The following PTPRD variants were observed in gnomAD, a reference collection of about 807,000 sequenced individuals.
PTPRD encodes the protein receptor-type tyrosine-protein phosphatase delta.
In PTPRD, 34 loss-of-function variants were observed where a neutral mutation model predicts 214.5. The ratio of observed to expected loss-of-function variants is 0.16; its 90% CI spans 0.12 to 0.21. The LOEUF (loss-of-function observed/expected upper bound fraction) is 0.21, where lower values mean the gene tolerates loss of function less well. Among genes scored for constraint, PTPRD ranks in the 10% least tolerant of loss-of-function variants. The pLI is 1.00. For synonymous variants in PTPRD, 1,128 were observed against 845.7 expected, an observed-to-expected ratio of 1.33 and a Z score of -5.79; for missense variants, 2,545 against 2,398.7, an observed-to-expected ratio of 1.06 and a Z score of -1.27.
intron 4 of PTPRD, among the ~76,000 whole-genome samples, chr9:9,983,817 T>C (rs1182127286): frequency 6.6e-6 from 1 of 152,228 alleles, no homozygotes; most frequent in Non-Finnish European, 1.5e-5. Flanking sequence ...TACTGAAAAC[T>C]AGGATATTGG....
chr9:9,435,225 A>G (rs62532956), intron 8 of PTPRD, among the ~76,000 whole-genome samples: 64,314 of 151,778 alleles, frequency 0.42, 13,892 homozygotes, highest in Middle Eastern at 0.62. Context: ...AAACGCCAGG[A>G]CCCGGCTGGT....
intron 9 of PTPRD, among the ~76,000 whole-genome samples, chr9:9,311,765 ACT>A (rs1345225188): frequency 6.6e-6 from 1 of 152,122 alleles, no homozygotes; most frequent in Non-Finnish European, 1.5e-5. Flanking sequence ...ATACAGAATC[ACT>A]CTCCTCTGTT....
intron 5 of PTPRD, among the ~76,000 whole-genome samples, chr9:9,798,326 T>C (rs1472099444): frequency 2.0e-5 from 3 of 152,132 alleles, no homozygotes; most frequent in African/African-American, 7.2e-5. Context: ...AAATGAAGAC[T>C]CAAAGAAATA....
rs190253922 is a variant in PTPRD, at chr9:10,233,721, C to T, written c.-545+107242G>A. ...ATTGGGAAAGCTTAAGCTAACTTTT[C>T]AGATAATGAAAGATAAATTTTCATA... On this transcript the variant is annotated intron_variant, in intron 3 of 45. Transcript: ENST00000381196. 3.0e-3 allele frequency among the ~76,000 whole-genome samples: 458 copies of T among 152,026 alleles called. 4 individuals are homozygous for T. Among genetic ancestry groups the T allele is most frequent in the Non-Finnish European group, 4.4e-3 (298 of 67,940 alleles).
intron 5 of PTPRD, among the ~76,000 whole-genome samples, chr9:9,931,969 T>C (rs1324387759): frequency 4.6e-5 from 7 of 151,946 alleles, no homozygotes; most frequent in South Asian, 2.1e-4. Flanking sequence ...AGGGGCACAC[T>C]GACACCTCAC....
intron 9 of PTPRD, among the ~76,000 whole-genome samples, chr9:9,390,177 A>G (rs1324119098): frequency 6.6e-6 from 1 of 152,146 alleles, no homozygotes; most frequent in Non-Finnish European, 1.5e-5. Flanking sequence ...GGGAAGCCGG[A>G]TTATCTTAAG....
intron 5 of PTPRD, among the ~76,000 whole-genome samples, chr9:9,831,609 T>C (rs1489131759): frequency 6.6e-6 from 1 of 152,006 alleles, no homozygotes; most frequent in African/African-American, 2.4e-5. Context: ...GTAATCCACA[T>C]GCTTGCTAAC....
chr9:9,227,368 C>T (rs539265420), intron 9 of PTPRD, among the ~76,000 whole-genome samples: 1 of 152,230 alleles, frequency 6.6e-6, no homozygotes, highest in East Asian at 1.9e-4. Context: ...GAAATTACAA[C>T]CTCAGCCCCT....
intron 3 of PTPRD, among the ~76,000 whole-genome samples, chr9:10,044,910 A>C (rs2097362003): frequency 6.6e-6 from 1 of 151,698 alleles, no homozygotes; most frequent in Non-Finnish European, 1.5e-5. Context: ...TCTCCCTTTC[A>C]CTATCAGTTT....
At chr9:9,236,559 T>C (rs2099966855) in intron 9 of PTPRD, among the ~76,000 whole-genome samples, 1 of 149,996 alleles carries the variant, frequency 6.7e-6, no homozygotes, top group African/African-American at 2.5e-5. Flanking sequence ...AATTCCCTTT[T>C]TCTAAATCTA....
At chr9:8,459,893 C>CT (rs930445939) in intron 33 of PTPRD, among the ~76,000 whole-genome samples, 2 of 151,968 alleles carry the variant, frequency 1.3e-5, no homozygotes, top group Admixed American at 1.3e-4. Context: ...CCATCCTTCT[C>CT]TTTTTTTTCC....
intron 5 of PTPRD, among the ~76,000 whole-genome samples, chr9:9,838,523 T>C (rs1312503581): frequency 1.3e-5 from 2 of 152,194 alleles, no homozygotes; most frequent in Admixed American, 6.5e-5. Context: ...TGGCCAGTGA[T>C]GGTGAGCATT....
chr9:9,360,216 A>G (rs2055527373), intron 9 of PTPRD, among the ~76,000 whole-genome samples: 1 of 151,052 alleles, frequency 6.6e-6, no homozygotes, highest in Non-Finnish European at 1.5e-5. Flanking sequence ...CAGCTGAAAA[A>G]GACTATTTCC....
At chr9:9,665,237 G>A (rs968487182) in intron 7 of PTPRD, among the ~76,000 whole-genome samples, 1 of 151,340 alleles carries the variant, frequency 6.6e-6, no homozygotes, top group Non-Finnish European at 1.5e-5. Flanking sequence ...ACCTTAGAAT[G>A]GTCCATTTAA....
At chr9:8,472,914 A>G (rs2096683406) in intron 30 of PTPRD, among the ~76,000 whole-genome samples, 5 of 152,102 alleles carry the variant, frequency 3.3e-5, no homozygotes, top group Admixed American at 3.3e-4. Context: ...TCTGTTATAT[A>G]TTCTGAAATA....
chr9:9,493,462 G>A (rs2096013577), intron 8 of PTPRD, among the ~76,000 whole-genome samples: 1 of 152,114 alleles, frequency 6.6e-6, no homozygotes, highest in Non-Finnish European at 1.5e-5. Context: ...GGATCAAAGA[G>A]TAACTTTGAC....
At chr9:8,453,646 CAT>C (rs1020845142) in intron 33 of PTPRD, among the ~76,000 whole-genome samples, 3 of 152,202 alleles carry the variant, frequency 2.0e-5, no homozygotes, top group African/African-American at 7.2e-5. Flanking sequence ...TGCTGACCAA[CAT>C]AAAGTGATTT....
At chr9:10,418,494 C>T (rs2098515532) in intron 2 of PTPRD, among the ~76,000 whole-genome samples, 1 of 141,110 alleles carries the variant, frequency 7.1e-6, no homozygotes, top group Non-Finnish European at 1.5e-5. Flanking sequence ...CACACACACA[C>T]ACACTTCATA....
chr9:8,805,324 G>A (rs865869467), intron 11 of PTPRD, among the ~76,000 whole-genome samples: 5 of 152,136 alleles, frequency 3.3e-5, no homozygotes, highest in Non-Finnish European at 7.4e-5. Flanking sequence ...CCATTTGAAG[G>A]TTCTGACCAG....
Sources: gnomAD v4.1 joint callset for allele counts (sites outside exome capture counted in the v4.1 genomes callset) on GRCh38, gnomAD v4.1.1 for gene constraint, MANE v1.5 for transcripts, NCBI Gene and HGNC (gene_info 2026-07-23, HGNC 2026-07-21) for gene names.